The following EML6 variants were observed in gnomAD, a reference collection of about 807,000 sequenced individuals.
EML6 encodes echinoderm microtubule-associated protein-like 6.
In EML6, 154 loss-of-function variants were observed where a neutral mutation model predicts 240.1. That is an observed-to-expected ratio of 0.64 (90% CI 0.56 to 0.73). The LOEUF is 0.73. Ranked by LOEUF, EML6 falls within the 30% of genes least tolerant of loss-of-function variation. The pLI, the probability that EML6 is intolerant of heterozygous loss-of-function variation, is 0.00. For missense variants in EML6, 2,964 were observed against 2,474.6 expected (o/e 1.20, Z -4.20); for synonymous variants, 1,148 against 899.0 (o/e 1.28, Z -4.95).
chr2:54,765,203 T>C (rs1001920378), intron 2 of EML6, among the ~76,000 whole-genome samples: 1 of 152,204 alleles, frequency 6.6e-6, no homozygotes, highest in African/African-American at 2.4e-5. Flanking sequence ...TTATTGTGTA[T>C]AATTTAACAC....
intron 16 of EML6, among the ~76,000 whole-genome samples, chr2:54,879,236 C>T (rs1468444253): frequency 1.3e-5 from 2 of 152,154 alleles, no homozygotes; most frequent in Non-Finnish European, 2.9e-5. Flanking sequence ...AATGTCAGGT[C>T]GGCAGTTTAC....
chr2:54,736,323 G>A (rs1683389236), intron 2 of EML6, among the ~76,000 whole-genome samples: 1 of 152,114 alleles, frequency 6.6e-6, no homozygotes, highest in Admixed American at 6.5e-5. Context: ...TTCCTTCAAT[G>A]CCAGACTTCT....
At chr2:54,863,324 C>G (rs1444371813) in intron 12 of EML6, among the ~76,000 whole-genome samples, 1 of 152,152 alleles carries the variant, frequency 6.6e-6, no homozygotes, top group Non-Finnish European at 1.5e-5. Context: ...AAATGACCAA[C>G]CTAGGCAATG....
At chr2:54,778,176 T>C (rs1056629932) in intron 2 of EML6, among the ~76,000 whole-genome samples, 2 of 152,222 alleles carry the variant, frequency 1.3e-5, no homozygotes, top group Non-Finnish European at 2.9e-5. Flanking sequence ...TTATTTGGGA[T>C]TATGTCAGAA....
intron 24 of EML6, among the ~76,000 whole-genome samples, chr2:54,907,516 T>G (rs1433139323): frequency 6.6e-6 from 1 of 152,126 alleles, no homozygotes; most frequent in African/African-American, 2.4e-5. Flanking sequence ...CAAAAAGTAA[T>G]AATAAAAATG....
chr2:54,743,709 C>G (rs962316223), intron 2 of EML6, among the ~76,000 whole-genome samples: 33 of 152,272 alleles, frequency 2.2e-4, no homozygotes, highest in African/African-American at 7.0e-4. Context: ...TGGTAAAATA[C>G]TCTTGTGCAA....
intron 7 of EML6, among the ~76,000 whole-genome samples, chr2:54,838,073 C>G (rs1435971932): frequency 2.0e-5 from 3 of 152,190 alleles, no homozygotes; most frequent in African/African-American, 7.2e-5. Flanking sequence ...TGTGAGTTTG[C>G]AGTGCCAGCA....
chr2:54,805,787 T>G (rs1670438882), intron 2 of EML6, among the ~76,000 whole-genome samples: 1 of 152,206 alleles, frequency 6.6e-6, no homozygotes, highest in South Asian at 2.1e-4. Flanking sequence ...TTTCTATCAA[T>G]TACTTGGTTT....
At chr2:54,856,831 A>G (rs922995181) in intron 11 of EML6, among the ~76,000 whole-genome samples, 3 of 152,182 alleles carry the variant, frequency 2.0e-5, no homozygotes, top group African/African-American at 7.2e-5. Flanking sequence ...GACTGTTTTG[A>G]TATTTTGTGG....
At chr2:54,897,041 CT>C (rs372639363) in intron 21 of EML6, among the ~76,000 whole-genome samples, 1 of 151,458 alleles carries the variant, frequency 6.6e-6, no homozygotes, top group Non-Finnish European at 1.5e-5. Flanking sequence ...CAAACTAAAT[CT>C]TTTTTTTTCT....
chr2:54,790,979 C>A (rs1203455124), intron 2 of EML6, among the ~76,000 whole-genome samples: 4 of 152,138 alleles, frequency 2.6e-5, no homozygotes, highest in African/African-American at 4.8e-5. Context: ...CCCGCCTCGG[C>A]CTCCCAAAGT....
chr2:54,726,468 G>T (rs952329599), intron 2 of EML6, among the ~76,000 whole-genome samples: 20 of 150,982 alleles, frequency 1.3e-4, no homozygotes, highest in African/African-American at 4.9e-4. Context: ...GAGACCTAAA[G>T]TTGAAAAATT....
chr2:54,873,081 G>C (rs926616091), intron 16 of EML6, among the ~76,000 whole-genome samples: 1 of 152,178 alleles, frequency 6.6e-6, no homozygotes, highest in African/African-American at 2.4e-5. Context: ...GAACAAATGA[G>C]GTTCTGCTTA....
intron 16 of EML6, 28 bp downstream of exon 16, chr2:54,871,633 T>C (rs1028829855): frequency 2.7e-6 from 4 of 1,462,508 alleles, no homozygotes; most frequent in African/African-American, 2.8e-5. Flanking sequence ...TGACACATGG[T>C]TCTACGTTGA....
intron 17 of EML6, among the ~76,000 whole-genome samples, chr2:54,887,869 G>GATA (rs1672237073): frequency 6.6e-6 from 1 of 152,086 alleles, no homozygotes; most frequent in Non-Finnish European, 1.5e-5. Flanking sequence ...TCACCCTCCT[G>GATA]CACTAGACGG....
rs1175316366 is a variant in EML6 at position 54,724,578 on chromosome 2, T to C, written c.-484T>C. Reference sequence around the variant, plus strand: ...TCAATTTCGGATCCAAAGACGGCGATGGCAGAGCTCACCCGGGTTGCCTGT... The same window carrying C: ...TCAATTTCGGATCCAAAGACGGCGACGGCAGAGCTCACCCGGGTTGCCTGT... On this transcript the variant is annotated 5_prime_UTR_variant, in exon 2 of 42. The change abolishes an upstream ATG in the 5' untranslated region. Coordinates refer to ENST00000356458, the MANE Select transcript of EML6 (RefSeq NM_001039753.4). This position sits in a 1 kb window ranked among gnomAD's most constrained non-coding sequence, Gnocchi z 5.2. The C allele has an allele frequency of 6.6e-6, 1 of 152,202 alleles. No homozygotes were observed. Among genetic ancestry groups the C allele is most frequent in the South Asian group, 2.1e-4 (1 of 4,836 alleles). 9.4% of individuals were successfully genotyped at this position (152,202 alleles called of 1,614,324 possible). A position where few individuals can be genotyped will look rare whatever the true frequency, so the allele number is the denominator to read the frequency against.
intron 7 of EML6, among the ~76,000 whole-genome samples, chr2:54,830,158 T>C (rs1668796016): frequency 6.6e-6 from 1 of 152,216 alleles, no homozygotes; most frequent in Non-Finnish European, 1.5e-5. Context: ...ATACAATACA[T>C]CTTTTAAAAT....
At chr2:54,848,523 C>CCACACACACACACA (rs1669892532) in intron 9 of EML6, among the ~76,000 whole-genome samples, 2 of 3,922 alleles carry the variant, frequency 5.1e-4, no homozygotes, top group Non-Finnish European at 1.2e-3. Flanking sequence ...AGCTTCCACA[C>CCACACACACACACA]TACACACACA....
At position 54,895,704 on chromosome 2, in the gene EML6, T is replaced by G. The variant is rs187715358; in HGVS notation, c.2982+304T>G. On this transcript the variant is annotated intron_variant, in intron 21 of 41. Transcript: ENST00000356458. ...GTTATGGTCTCATCTGAGGCTAAAC[T>G]GGGGAAGATTTTTCCAAGCTCACTC... Among the ~76,000 whole-genome samples the G allele has an allele frequency of 3.3e-4, 51 of 152,322 alleles. No homozygotes were observed. In the East Asian group the frequency reaches 8.3e-3, roughly 25 times the overall value.
Sources: allele counts gnomAD v4.1 joint callset (sites outside exome capture counted in the v4.1 genomes callset), GRCh38; gene constraint gnomAD v4.1.1; non-coding constraint Gnocchi (gnomAD v3.1); transcripts MANE v1.5; gene names NCBI Gene and HGNC (gene_info 2026-07-23, HGNC 2026-07-21).